GALC: variants seen among roughly 807,000 people sequenced by gnomAD.
GALC encodes galactocerebrosidase.
GALC carries 77 observed loss-of-function variants against 91.8 expected under a neutral mutation model. That is an observed-to-expected ratio of 0.84 (90% CI 0.70 to 1.01). The LOEUF (loss-of-function observed/expected upper bound fraction) is 1.01. Ranked by LOEUF, GALC falls within the 50% of genes least tolerant of loss-of-function variation. The pLI, the probability that GALC is intolerant of heterozygous loss-of-function variation, is 0.00. For synonymous variants in GALC, 357 were observed against 306.7 expected, an observed-to-expected ratio of 1.16 and a Z score of -1.71; for missense variants, 882 against 855.9, an observed-to-expected ratio of 1.03 and a Z score of -0.38.
intron 16 of GALC, 22 bp from the exon 17 acceptor site, chr14:87,934,900 T>G (rs1229674614): frequency 6.4e-7 from 1 of 1,551,418 alleles, no homozygotes; most frequent in African/African-American, 1.4e-5. Flanking sequence ...AGAAACACAT[T>G]CCTTGAAACC....
Position 87,936,912 on chromosome 14 carries a change from ATT to A in GALC, c.1912-2036_1912-2035del, listed in dbSNP as rs869293553. The stretch of plus-strand genomic sequence containing the variant: ...TATCAGGTACTATATATATATATAT[ATT>A]TATTTATTTTCTCATTGAATCTTCA... On this transcript the variant is annotated intron_variant, in intron 16 of 16. Transcript: ENST00000261304. 2.9e-3 allele frequency among the ~76,000 whole-genome samples: 403 copies of A among 139,860 alleles called. 39 individuals carry two copies. Among genetic ancestry groups the A allele is most frequent in the African/African-American group, 9.2e-3 (339 of 36,818 alleles). The allele number at this position is 139,860 out of a possible 152,430, so 91.8% of individuals were successfully genotyped here. A position where few individuals can be genotyped will look rare whatever the true frequency, so the allele number is the denominator to read the frequency against.
intron 10 of GALC, among the ~76,000 whole-genome samples, chr14:87,952,028 A>T (rs1371115431): frequency 6.6e-6 from 1 of 151,892 alleles, no homozygotes; most frequent in Non-Finnish European, 1.5e-5. Flanking sequence ...TTATGTAACC[A>T]AATACCACTT....
upstream of GALC, chr14:87,993,365 G>C (rs1294127263): frequency 2.3e-5 from 36 of 1,535,424 alleles, no homozygotes; most frequent in Non-Finnish European, 2.9e-5. Context: ...TCAGCTACTG[G>C]ATTTCACATG....
chr14:87,963,569 TG>T, intron 9 of GALC, 58 bp from the exon 10 acceptor site: 1 of 1,474,608 alleles, frequency 6.8e-7, no homozygotes, highest in Non-Finnish European at 9.3e-7. Flanking sequence ...GTATTTCTTT[TG>T]GGAAAAAAAA....
chr14:87,993,080 C>T lies in GALC; in HGVS notation c.85G>A (p.Val29Met), dbSNP rs1380807200. Residue 29 changes from valine to methionine, a missense_variant, in exon 1 of 17, where the codon GTG becomes ATG. Coordinates refer to ENST00000261304, the MANE Select transcript of GALC (RefSeq NM_000153.4). Reference protein sequence around the residue: ...AAAGSAGRAAVPLLLCALLAP... With the variant: ...AAAGSAGRAAMPLLLCALLAP... ...AGCAGCGCACACAGCAGCAAGGGCA[C>T]CGCGGCGCGGCCCGCCGAACCCGCG... 7.6e-6 allele frequency: 12 copies of T among 1,580,206 alleles called. No individual in the cohort carries two copies. The highest frequency in any genetic ancestry group is 1.8e-4 in the Middle Eastern group (1 of 5,654).
intron 10 of GALC, among the ~76,000 whole-genome samples, chr14:87,950,970 G>C (rs188738895): frequency 2.0e-5 from 3 of 151,814 alleles, no homozygotes; most frequent in African/African-American, 7.2e-5. Flanking sequence ...GTTTCAACTG[G>C]ATCAAATTTT....
At chr14:87,987,155 G>A (rs1887010806) in intron 3 of GALC, 1 of 418,898 alleles carries the variant, frequency 2.4e-6, no homozygotes, top group African/African-American at 2.1e-5. Flanking sequence ...AGTTAGTAGA[G>A]GTTACATTGT....
chr14:87,972,655 G>A (rs1886343315), intron 7 of GALC, among the ~76,000 whole-genome samples: 1 of 151,976 alleles, frequency 6.6e-6, no homozygotes, highest in South Asian at 2.1e-4. Context: ...AACACACTTT[G>A]GAAATGAAGG....
chr14:87,960,914 T>C (rs1468578629), intron 10 of GALC, among the ~76,000 whole-genome samples: 2 of 152,110 alleles, frequency 1.3e-5, no homozygotes, highest in East Asian at 1.9e-4. Context: ...AATTAGGCAA[T>C]AGCTTCTTAG....
chr14:87,952,531 T>C (rs377569519), intron 10 of GALC: 35 of 766,408 alleles, frequency 4.6e-5, no homozygotes, highest in African/African-American at 3.2e-4. Flanking sequence ...TAGTATCCTG[T>C]TGCTCCACTA....
intron 10 of GALC, among the ~76,000 whole-genome samples, chr14:87,958,390 T>A (rs781005435): frequency 6.6e-6 from 1 of 152,110 alleles, no homozygotes; most frequent in South Asian, 2.1e-4. Flanking sequence ...TAGTGAATAA[T>A]TAATATTGTT....
intron 6 of GALC, among the ~76,000 whole-genome samples, chr14:87,977,604 A>G (rs1886555551): frequency 6.6e-6 from 1 of 152,240 alleles, no homozygotes. Context: ...GATACAAATA[A>G]GCCCACTACT....
intron 14 of GALC, among the ~76,000 whole-genome samples, chr14:87,945,132 C>CT (rs869177495): frequency 5.9e-5 from 6 of 101,214 alleles, no homozygotes; most frequent in African/African-American, 2.1e-4. Context: ...CCTGGTAAAT[C>CT]TTTTAATAAG....
intron 10 of GALC, among the ~76,000 whole-genome samples, chr14:87,962,597 AC>A (rs1386527083): frequency 2.8e-5 from 3 of 106,648 alleles, no homozygotes; most frequent in Non-Finnish European, 5.3e-5. Context: ...ACACACACAC[AC>A]ACACACACAC....
chr14:87,987,792 C>T (rs1887035293), intron 3 of GALC: 1 of 177,764 alleles, frequency 5.6e-6, no homozygotes, highest in Non-Finnish European at 1.2e-5. Context: ...GTTAATAACA[C>T]TTTTTTTGTT....
intron 10 of GALC, chr14:87,953,476 T>A: frequency 6.3e-7 from 1 of 1,583,846 alleles, no homozygotes; most frequent in Non-Finnish European, 8.6e-7. Context: ...TCACATAAAC[T>A]CTGACAAAGG....
intron 7 of GALC, among the ~76,000 whole-genome samples, chr14:87,968,920 C>T (rs982784117): frequency 1.2e-4 from 19 of 152,022 alleles, no homozygotes; most frequent in Non-Finnish European, 2.2e-4. Flanking sequence ...CAATAGTAAA[C>T]GAGTGAGGAG....
intron 5 of GALC, among the ~76,000 whole-genome samples, chr14:87,984,157 A>T (rs917064890): frequency 2.1e-5 from 3 of 141,656 alleles, no homozygotes; most frequent in African/African-American, 8.1e-5. Flanking sequence ...AAAAAAACCC[A>T]GCTCAGAGGA....
chr14:87,944,939 A>G (rs907112630), intron 14 of GALC, among the ~76,000 whole-genome samples: 1 of 151,366 alleles, frequency 6.6e-6, no homozygotes, highest in Non-Finnish European at 1.5e-5. Flanking sequence ...AAAGAAACAC[A>G]TGACAGGTGG....
Sources: allele counts gnomAD v4.1 joint callset (sites outside exome capture counted in the v4.1 genomes callset), GRCh38; gene constraint gnomAD v4.1.1; transcripts MANE v1.5; gene names NCBI Gene and HGNC (gene_info 2026-07-23, HGNC 2026-07-21).